NEK11: variants seen among roughly 807,000 people sequenced by gnomAD.
NEK11 encodes NIMA related kinase 11.
Under a neutral mutation model 80.7 loss-of-function variants are expected in NEK11, and 72 were observed. The ratio of observed to expected loss-of-function variants is 0.89; its 90% CI spans 0.74 to 1.08. The LOEUF is 1.08. Among genes scored for constraint, NEK11 ranks in the 50% least tolerant of loss-of-function variants. The pLI, the probability that NEK11 is intolerant of heterozygous loss-of-function variation, is 0.00. For synonymous variants in NEK11, 251 were observed against 260.7 expected (o/e 0.96, Z 0.36); for missense variants, 764 against 763.6 (o/e 1.00, Z -0.01).
intron 17 of NEK11, among the ~76,000 whole-genome samples, chr3:131,313,130 T>C (rs2109465008): frequency 6.6e-6 from 1 of 152,314 alleles, no homozygotes; most frequent in East Asian, 1.9e-4. Context: ...TCCAGCTCCA[T>C]CTATATTGCT....
Position 131,350,050 on chromosome 3 carries a change from G to C in NEK11, c.*274G>C, listed in dbSNP as rs2097429580. ...AGCATTTCTCTCATGTGCGCCCTCA[G>C]GGCTTCCAGCAGGATTGAGTCACCC... On this transcript the variant is annotated 3_prime_UTR_variant, in exon 18 of 18. Transcript: ENST00000383366. The C allele has an allele frequency of 5.3e-6, 2 of 376,674 alleles. No homozygotes were observed. Among genetic ancestry groups the C allele is most frequent in the Non-Finnish European group, 4.9e-6 (1 of 204,154 alleles). 23.3% of individuals were successfully genotyped at this position (376,674 alleles called of 1,614,324 possible).
chr3:131,054,099 C>T (rs1470755527), intron 3 of NEK11, among the ~76,000 whole-genome samples: 1 of 152,148 alleles, frequency 6.6e-6, no homozygotes, highest in Non-Finnish European at 1.5e-5. Context: ...GCCTGTAATC[C>T]CAGCACTTTG....
intron 12 of NEK11, among the ~76,000 whole-genome samples, chr3:131,168,297 G>T (rs1458454020): frequency 6.6e-6 from 1 of 151,360 alleles, no homozygotes; most frequent in Non-Finnish European, 1.5e-5. Context: ...TGCAGATTCT[G>T]ATTCAATTAG....
chr3:131,195,498 T>C (rs2093966455), intron 14 of NEK11, among the ~76,000 whole-genome samples: 1 of 152,104 alleles, frequency 6.6e-6, no homozygotes, highest in African/African-American at 2.4e-5. Flanking sequence ...TTCATGCCTA[T>C]CCATCCTTCA....
chr3:131,174,429 T>C (rs2092889857), intron 14 of NEK11, among the ~76,000 whole-genome samples: 1 of 152,248 alleles, frequency 6.6e-6, no homozygotes. Context: ...TAAAATAAAA[T>C]TATACAGTCA....
Position 131,029,632 on chromosome 3 carries a change from G to A in NEK11, c.-77G>A, listed in dbSNP as rs1158104813. On this transcript the variant is annotated 5_prime_UTR_variant, in exon 3 of 18. The change abolishes an upstream ATG in the 5' untranslated region. Coordinates refer to ENST00000383366, the MANE Select transcript of NEK11 (RefSeq NM_024800.5). ...TTTAAGGAACTGACCAACACTGGAT[G>A]AATTTGACCATTTCTTAGGAGACTG... 2.1e-6 allele frequency: 3 copies of A among 1,402,814 alleles called. No individual in the cohort carries two copies. The East Asian group carries it at 6.9e-5, about 32-fold the overall frequency. 86.9% of individuals were successfully genotyped at this position (1,402,814 alleles called of 1,614,324 possible). A position where few individuals can be genotyped will look rare whatever the true frequency, so the allele number is the denominator to read the frequency against.
At chr3:131,111,761 T>G in intron 5 of NEK11, among the ~76,000 whole-genome samples, 1 of 152,150 alleles carries the variant, frequency 6.6e-6, no homozygotes, top group East Asian at 1.9e-4. Flanking sequence ...TAATATAAAG[T>G]AAGGATAATA....
intron 14 of NEK11, among the ~76,000 whole-genome samples, chr3:131,181,287 G>A (rs941749409): frequency 3.3e-5 from 5 of 152,214 alleles, no homozygotes; most frequent in Non-Finnish European, 7.3e-5. Flanking sequence ...GAAGATGGAG[G>A]AAGGAGACAA....
At chr3:131,040,764 G>T (rs746896202) in intron 3 of NEK11, among the ~76,000 whole-genome samples, 3 of 152,112 alleles carry the variant, frequency 2.0e-5, no homozygotes, top group Non-Finnish European at 4.4e-5. Context: ...TACATACTAG[G>T]TTTCCAACTT....
intron 17 of NEK11, among the ~76,000 whole-genome samples, chr3:131,284,889 C>T (rs2096451827): frequency 1.3e-5 from 2 of 152,190 alleles, no homozygotes. Context: ...GATTTTGAGA[C>T]TCGAACTGGC....
At chr3:131,133,295 A>T in intron 6 of NEK11, 1 of 455,662 alleles carries the variant, frequency 2.2e-6, no homozygotes, top group Non-Finnish European at 4.4e-6. Context: ...TCATCTAATC[A>T]TCATATAGGG....
At chr3:131,272,463 C>CTTCTTTT (rs2096210843) in intron 16 of NEK11, among the ~76,000 whole-genome samples, 5 of 43,902 alleles carry the variant, frequency 1.1e-4, no homozygotes, top group African/African-American at 3.6e-4. Flanking sequence ...GTTTTAGCTT[C>CTTCTTTT]TTTTTTTTTT....
Position 131,098,232 on chromosome 3 carries a change from G to C in NEK11, c.337-11571G>C, listed in dbSNP as rs868776198. On this transcript the variant is annotated intron_variant, in intron 4 of 17. Coordinates refer to ENST00000383366, the MANE Select transcript of NEK11 (RefSeq NM_024800.5). The stretch of plus-strand genomic sequence containing the variant: ...AGAAAACCTAGGCATTACAATTCAG[G>C]ACATAGGCATGGGCAAGGACTTCAT... Among the ~76,000 whole-genome samples, 8 of 152,298 alleles carry C rather than the reference G, an allele frequency of 5.3e-5. 1 individual carries two copies. In the Middle Eastern group the frequency reaches 0.01, roughly 194 times the overall value.
chr3:131,285,477 C>G (rs1438230312), intron 17 of NEK11, among the ~76,000 whole-genome samples: 1 of 152,216 alleles, frequency 6.6e-6, no homozygotes, highest in African/African-American at 2.4e-5. Flanking sequence ...TTGAGCTGAG[C>G]TCAGCTGAGG....
intron 14 of NEK11, among the ~76,000 whole-genome samples, chr3:131,185,693 T>C (rs1385921947): frequency 6.6e-6 from 1 of 152,186 alleles, no homozygotes; most frequent in African/African-American, 2.4e-5. Flanking sequence ...TTCCATATGC[T>C]TGAGATGGTA....
chr3:131,221,510 A>G (rs890486913), intron 14 of NEK11, among the ~76,000 whole-genome samples: 1 of 152,168 alleles, frequency 6.6e-6, no homozygotes, highest in African/African-American at 2.4e-5. Context: ...AGCCTGTCAC[A>G]TGGATTTGCT....
intron 17 of NEK11, among the ~76,000 whole-genome samples, chr3:131,294,119 T>A (rs1476122684): frequency 6.6e-6 from 1 of 152,114 alleles, no homozygotes; most frequent in Non-Finnish European, 1.5e-5. Flanking sequence ...CTTACTTTGA[T>A]TAAATTTGCT....
In NEK11 at chr3:131,080,434, A is replaced by C; in HGVS notation, c.182A>C (p.Lys61Thr). Residue 61 changes from lysine (K) to threonine (T), a missense_variant, in exon 4 of 18, where the codon AAG becomes ACG. Lys to Thr is a moderately conservative substitution (Grantham distance 78). Transcript: ENST00000383366. ...TTTTTTGATCTCAGAAAGGTACTTA[A>C]GGAAATATCTGTTGGAGAACTAAAT... ...AKRGEELKVL[K>T]EISVGELNPN... is the part of the protein sequence containing the mutation. The C allele has an allele frequency of 6.3e-7, 1 of 1,597,194 alleles. No homozygotes were observed. The highest frequency in any genetic ancestry group is 1.1e-5 in the South Asian group (1 of 86,964).
At chr3:131,141,765 T>C (rs999870364) in intron 7 of NEK11, among the ~76,000 whole-genome samples, 2 of 152,164 alleles carry the variant, frequency 1.3e-5, no homozygotes, top group Non-Finnish European at 2.9e-5. Flanking sequence ...AAGCTCAGGT[T>C]CTTCTGATTA....
Sources: gnomAD v4.1 joint callset for allele counts (sites outside exome capture counted in the v4.1 genomes callset) on GRCh38, gnomAD v4.1.1 for gene constraint, MANE v1.5 for transcripts, NCBI Gene and HGNC (gene_info 2026-07-23, HGNC 2026-07-21) for gene names.